The following PPARGC1A variants were observed in gnomAD, a reference collection of about 807,000 sequenced individuals.
PPARGC1A encodes PPARG coactivator 1 alpha.
Under a neutral mutation model 88.7 loss-of-function variants are expected in PPARGC1A, and 25 were observed. The observed-to-expected ratio is 0.28, with a 90% CI of 0.21 to 0.39. The LOEUF (loss-of-function observed/expected upper bound fraction) is 0.39. Ranked by LOEUF, PPARGC1A falls within the 10% of genes least tolerant of loss-of-function variation. PPARGC1A has a pLI of 1.00. For missense variants in PPARGC1A, 880 were observed against 968.7 expected (o/e 0.91, Z 1.22); for synonymous variants, 363 against 355.6 (o/e 1.02, Z -0.24).
the PPARGC1A span, among the ~76,000 whole-genome samples, chr4:24,132,431 C>T: frequency 3.7e-4 from 56 of 152,078 alleles, no homozygotes; most frequent in Admixed American, 7.9e-4. Flanking sequence ...TGAATAGTGT[C>T]TCCCTCTAAG....
chr4:24,146,115 G>A, the PPARGC1A span, among the ~76,000 whole-genome samples: 2 of 152,182 alleles, frequency 1.3e-5, no homozygotes, highest in Admixed American at 1.3e-4. Context: ...TGTGTCTTCT[G>A]AACCTCCAAG....
chr4:24,200,993 A>G, the PPARGC1A span, among the ~76,000 whole-genome samples: 1 of 152,142 alleles, frequency 6.6e-6, no homozygotes, highest in Non-Finnish European at 1.5e-5. Flanking sequence ...GTCCATTATA[A>G]AAAAAGGTAC....
chr4:24,083,389 AG>A, the PPARGC1A span, among the ~76,000 whole-genome samples: 1 of 152,198 alleles, frequency 6.6e-6, no homozygotes, highest in Admixed American at 6.5e-5. Flanking sequence ...CCCAGATGGA[AG>A]GACCTCTCCC....
At chr4:23,920,589 T>G in the PPARGC1A span, among the ~76,000 whole-genome samples, 1 of 152,156 alleles carries the variant, frequency 6.6e-6, no homozygotes, top group Middle Eastern at 3.2e-3. Flanking sequence ...GCATAATAGT[T>G]GTACAGTTCA....
At chr4:24,187,622 A>G in the PPARGC1A span, among the ~76,000 whole-genome samples, 1 of 152,190 alleles carries the variant, frequency 6.6e-6, no homozygotes, top group African/African-American at 2.4e-5. Flanking sequence ...GTCTGCTGTG[A>G]TCCCTTCAAG....
At chr4:24,125,443 A>C in the PPARGC1A span, among the ~76,000 whole-genome samples, 190 of 152,118 alleles carry the variant, frequency 1.2e-3, no homozygotes, top group Middle Eastern at 6.8e-3. Flanking sequence ...CCACACCCCA[A>C]AGCTGCTGCT....
At chr4:24,393,040 CA>C in the PPARGC1A span, among the ~76,000 whole-genome samples, 18 of 151,550 alleles carry the variant, frequency 1.2e-4, no homozygotes, top group Admixed American at 5.3e-4. Flanking sequence ...CACACACACA[CA>C]CACACACCCC....
At chr4:23,931,103 C>T in the PPARGC1A span, among the ~76,000 whole-genome samples, 1 of 152,184 alleles carries the variant, frequency 6.6e-6, no homozygotes, top group Non-Finnish European at 1.5e-5. Context: ...GCTCACCCCA[C>T]CTCTGGGGAC....
chr4:24,185,298 T>G, the PPARGC1A span, among the ~76,000 whole-genome samples: 3 of 152,206 alleles, frequency 2.0e-5, no homozygotes, highest in Non-Finnish European at 4.4e-5. Flanking sequence ...ATTACAATTC[T>G]CAAGTCATAT....
chr4:24,413,124 A>C, the PPARGC1A span, among the ~76,000 whole-genome samples: 1 of 152,122 alleles, frequency 6.6e-6, no homozygotes, highest in African/African-American at 2.4e-5. Flanking sequence ...ATAGGCAGTG[A>C]TGCTACACAT....
the PPARGC1A span, among the ~76,000 whole-genome samples, chr4:24,125,450 T>C: frequency 6.6e-6 from 1 of 152,172 alleles, no homozygotes; most frequent in East Asian, 1.9e-4. Flanking sequence ...CCAAAGCTGC[T>C]GCTGTTAGTC....
chr4:23,872,487 C>T (rs191284959), intron 2 of PPARGC1A, among the ~76,000 whole-genome samples: 1 of 152,266 alleles, frequency 6.6e-6, no homozygotes, highest in African/African-American at 2.4e-5. Flanking sequence ...GAATATTCCT[C>T]TAGCTAGGAG....
At chr4:23,925,190 A>T in the PPARGC1A span, among the ~76,000 whole-genome samples, 1 of 152,172 alleles carries the variant, frequency 6.6e-6, no homozygotes, top group Non-Finnish European at 1.5e-5. Flanking sequence ...CGACTGGAGG[A>T]AACAATTACT....
the PPARGC1A span, among the ~76,000 whole-genome samples, chr4:24,402,284 A>G: frequency 1.8e-4 from 27 of 152,200 alleles, no homozygotes; most frequent in African/African-American, 6.3e-4. Context: ...AGCGGCTGCT[A>G]CAGCTGTCTC....
At chr4:23,990,045 G>T in the PPARGC1A span, among the ~76,000 whole-genome samples, 2 of 143,270 alleles carry the variant, frequency 1.4e-5, no homozygotes, top group Non-Finnish European at 3.0e-5. Flanking sequence ...TATATCCCTA[G>T]AAATAAGCAT....
upstream of PPARGC1A, chr4:23,903,942 A>G (rs564544378): frequency 1.3e-6 from 1 of 763,906 alleles, no homozygotes; most frequent in African/African-American, 1.9e-5. Flanking sequence ...AAACCCACCT[A>G]CCAATAGCAT....
At chr4:24,407,109 C>T in the PPARGC1A span, among the ~76,000 whole-genome samples, 1 of 152,228 alleles carries the variant, frequency 6.6e-6, no homozygotes, top group Admixed American at 6.5e-5. Context: ...TCTGAAGCTC[C>T]GGAGGCCTCC....
the PPARGC1A span, among the ~76,000 whole-genome samples, chr4:24,049,286 A>ATG: frequency 5.7e-5 from 6 of 105,350 alleles, no homozygotes; most frequent in African/African-American, 1.3e-4. Flanking sequence ...ACACATATAT[A>ATG]TGTGTGTATA....
At chr4:24,283,090 A>T in the PPARGC1A span, among the ~76,000 whole-genome samples, 1 of 152,144 alleles carries the variant, frequency 6.6e-6, no homozygotes, top group Non-Finnish European at 1.5e-5. Flanking sequence ...TAAGGTGAAG[A>T]TATATGACTG....
Sources: allele counts gnomAD v4.1 joint callset (sites outside exome capture counted in the v4.1 genomes callset), GRCh38; gene constraint gnomAD v4.1.1; transcripts MANE v1.5; gene names NCBI Gene and HGNC (gene_info 2026-07-23, HGNC 2026-07-21).